The following FMO2 variants were observed in gnomAD, a reference collection of about 807,000 sequenced individuals.
FMO2 encodes the protein flavin-containing monooxygenase 2.
A neutral mutation model predicts 41.6 loss-of-function variants in FMO2; 33 were observed. The observed-to-expected ratio is 0.79, with a 90% CI of 0.60 to 1.06. The LOEUF is 1.06. Ranked by LOEUF, FMO2 falls within the 50% of genes least tolerant of loss-of-function variation. FMO2 has a pLI of 0.00. For missense variants in FMO2, 619 were observed against 632.9 expected, an observed-to-expected ratio of 0.98 and a Z score of 0.23; for synonymous variants, 214 against 219.6, an observed-to-expected ratio of 0.97 and a Z score of 0.23.
chr1:171,196,543 C>T (rs1289376472), intron 3 of FMO2, 106 bp from the exon 4 acceptor site: 6 of 947,704 alleles, frequency 6.3e-6, no homozygotes, highest in Non-Finnish European at 9.8e-6. Context: ...AGATTAGTCC[C>T]ACTGCTGAGT....
chr1:171,185,575 C>A (rs1056136642), intron 1 of FMO2, 133 bp from the exon 2 acceptor site: 2 of 835,220 alleles, frequency 2.4e-6, no homozygotes, highest in Non-Finnish European at 3.7e-6. Flanking sequence ...TTTTGACTGG[C>A]TCTTTATTCA....
chr1:171,206,466 G>A (rs1216501868), intron 7 of FMO2, among the ~76,000 whole-genome samples: 3 of 152,172 alleles, frequency 2.0e-5, no homozygotes, highest in African/African-American at 4.8e-5. Context: ...AGAGAGAGAT[G>A]AGCCATTACT....
intron 3 of FMO2, among the ~76,000 whole-genome samples, chr1:171,194,358 C>T (rs1658216073): frequency 6.6e-6 from 1 of 152,162 alleles, no homozygotes; most frequent in Admixed American, 6.5e-5. Context: ...TTTTCCTGTG[C>T]TTCCTCAAAA....
chr1:171,204,643 C>A (rs1658679146), intron 6 of FMO2, among the ~76,000 whole-genome samples: 1 of 152,080 alleles, frequency 6.6e-6, no homozygotes, highest in South Asian at 2.1e-4. Flanking sequence ...TGCCGTGCAA[C>A]TACCATATTC....
intron 4 of FMO2, 143 bp from the exon 5 acceptor site, chr1:171,199,203 T>G: frequency 2.7e-6 from 2 of 743,082 alleles, no homozygotes; most frequent in Non-Finnish European, 4.2e-6. Flanking sequence ...TACCTAAACT[T>G]TCTTATGTGC....
rs1401535620 is a variant in FMO2, at chr1:171,207,739, A to G, written c.1205A>G (p.Glu402Gly). Residue 402 changes from glutamate (E) to glycine (G), a missense_variant, in exon 8 of 9, where the codon GAG becomes GGG. Physicochemically the swap from Glu to Gly is moderately conservative, Grantham distance 98. Transcript: ENST00000209929. ...TTAGGCTTGTGTAGCCTGCCCTCAG[A>G]GAGAACTATGATGATGGACATTATC... ...VFKGLCSLPS[E>G]RTMMMDIIKR... 1 of 1,610,960 alleles carries G rather than the reference A, an allele frequency of 6.2e-7. No homozygotes were observed. The highest frequency in any genetic ancestry group is 1.1e-5 in the South Asian group (1 of 90,750).
At chr1:171,205,171 T>A (rs1658701606) in intron 6 of FMO2, 108 bp from the exon 7 acceptor site, 1 of 617,108 alleles carries the variant, frequency 1.6e-6, no homozygotes, top group East Asian at 2.7e-5. Flanking sequence ...GTTTTACAGA[T>A]ATTTGAAAAG....
chr1:171,205,225 T>C (rs1441396628), intron 6 of FMO2, 54 bp from the exon 7 acceptor site: 1 of 1,167,506 alleles, frequency 8.6e-7, no homozygotes, highest in Non-Finnish European at 1.2e-6. Context: ...TCAAGAGGGT[T>C]CAAGATTCCT....
chr1:171,205,870 G>C (rs1658741080), intron 7 of FMO2, among the ~76,000 whole-genome samples: 1 of 152,166 alleles, frequency 6.6e-6, no homozygotes, highest in Admixed American at 6.6e-5. Context: ...ACAGTCAAGA[G>C]AATTTCAACT....
intron 7 of FMO2, chr1:171,207,505 C>T: frequency 2.3e-6 from 1 of 438,094 alleles, no homozygotes. Context: ...TCTCTTGGCC[C>T]TCTCCACTTG....
chr1:171,199,557 G>C, intron 5 of FMO2, 69 bp downstream of exon 5: 2 of 1,437,566 alleles, frequency 1.4e-6, no homozygotes, highest in Non-Finnish European at 1.9e-6. Flanking sequence ...GAGAACCCCA[G>C]CCATATAATC....
At position 171,205,287 on chromosome 1, in the gene FMO2, T is replaced by G; in HGVS notation, c.836T>G (p.Met279Arg). Residue 279 changes from methionine (M) to arginine (R), a missense_variant, in exon 7 of 9, where the codon ATG becomes AGG. Coordinates refer to ENST00000209929, the MANE Select transcript of FMO2 (RefSeq NM_001460.5). ...TCTTCTGTATGTCTCAGATACATTA[T>G]GAAGGAACCTGTACTAAATGATGAT... The part of the protein sequence containing the change: ...YGLEPQNKYI[M>R]KEPVLNDDVP... The G allele has an allele frequency of 6.3e-7, 1 of 1,598,664 alleles. No homozygotes were observed. Among genetic ancestry groups the G allele is most frequent in the Non-Finnish European group, 8.6e-7 (1 of 1,168,560 alleles).
intron 7 of FMO2, 112 bp downstream of exon 7, chr1:171,205,746 C>T: frequency 1.6e-6 from 1 of 633,022 alleles, no homozygotes; most frequent in East Asian, 2.7e-5. Flanking sequence ...GTTTGACAAC[C>T]TTGGCTGCTC....
chr1:171,191,960 A>G lies in FMO2; in HGVS notation c.133-1375A>G, dbSNP rs183782287. On this transcript the variant is annotated intron_variant, in intron 2 of 8. Transcript: ENST00000209929. ...GGTTGAGGTGGGATCACCTGAGCCC[A>G]GGAGGTTGATGCTGCCGTGAGCCAT... 2.6e-3 allele frequency among the ~76,000 whole-genome samples: 393 copies of G among 151,090 alleles called. 5 individuals carry two copies. Among genetic ancestry groups the G allele is most frequent in the African/African-American group, 9.2e-3 (380 of 41,168 alleles).
At chr1:171,188,970 T>C (rs1170254769) in intron 2 of FMO2, 2 of 152,186 alleles carry the variant, frequency 1.3e-5, no homozygotes. Context: ...TGCTAGGAAG[T>C]ATGTATTATG....
At chr1:171,185,581 A>T in intron 1 of FMO2, 127 bp from the exon 2 acceptor site, 1 of 894,530 alleles carries the variant, frequency 1.1e-6, no homozygotes, top group Non-Finnish European at 1.7e-6. Context: ...CTGGCTCTTT[A>T]TTCAATAGTG....
chr1:171,194,502 A>C (rs1658222809), intron 3 of FMO2, among the ~76,000 whole-genome samples: 1 of 152,248 alleles, frequency 6.6e-6, no homozygotes, highest in African/African-American at 2.4e-5. Context: ...TCATGTTTGT[A>C]ATCCCAGCAC....
At chr1:171,191,634 A>G (rs1295288977) in intron 2 of FMO2, among the ~76,000 whole-genome samples, 1 of 152,074 alleles carries the variant, frequency 6.6e-6, no homozygotes, top group Non-Finnish European at 1.5e-5. Context: ...TAACTTGCTC[A>G]TGGTCACAAG....
At position 171,203,851 on chromosome 1, in the gene FMO2, T is replaced by A. The variant is rs375583157; in HGVS notation, c.628-14T>A. The A allele has an allele frequency of 6.2e-7, 1 of 1,612,404 alleles. No homozygotes were observed. The highest frequency in any genetic ancestry group is 8.5e-7 in the Non-Finnish European group (1 of 1,178,972). ...AATGCCCTAATTTAAACTGCATTTC[T>A]TTTTGCTTGCCAGGTTTTTATCAGC... On this transcript the variant is annotated splice_polypyrimidine_tract_variant and intron_variant, in intron 5 of 8. Transcript: ENST00000209929.
Sources: allele counts gnomAD v4.1 joint callset (sites outside exome capture counted in the v4.1 genomes callset), GRCh38; gene constraint gnomAD v4.1.1; transcripts MANE v1.5; gene names NCBI Gene and HGNC (gene_info 2026-07-23, HGNC 2026-07-21).